The following CTBP2 variants were observed in gnomAD, a reference collection of about 807,000 sequenced individuals.
The protein encoded by CTBP2 is C-terminal binding protein 2.
Under a neutral mutation model 80.3 loss-of-function variants are expected in CTBP2, and 30 were observed. The observed-to-expected ratio is 0.37, with a 90% CI of 0.28 to 0.51. The LOEUF (loss-of-function observed/expected upper bound fraction) is 0.51. Ranked by LOEUF, CTBP2 falls within the 20% of genes least tolerant of loss-of-function variation. The pLI is 0.93. For synonymous variants in CTBP2, 594 were observed against 587.4 expected (o/e 1.01, Z -0.16); for missense variants, 1,212 against 1,375.3 (o/e 0.88, Z 1.88).
intron 1 of CTBP2, among the ~76,000 whole-genome samples, chr10:125,128,088 C>T (rs142262443): frequency 5.1e-4 from 78 of 152,282 alleles, no homozygotes; most frequent in Admixed American, 9.8e-4. Context: ...GAGGCTAGCA[C>T]ACCCAGATGC....
chr10:125,026,643 T>G lies in CTBP2; in HGVS notation c.1117A>C (p.Ser373Arg), dbSNP rs1207514685. 1 of 1,585,344 alleles carries G rather than the reference T, an allele frequency of 6.3e-7. No individual in the cohort carries two copies. ...CCATGGAGCAGTTCGCTTCGGTGGC[T>G]GAAGCTGCTGGACCGCGCCCGGGGC... Residue 373 changes from serine to arginine, a missense_variant, in exon 1 of 9, where the codon AGC becomes CGC. Ser to Arg is a moderately radical substitution (Grantham distance 110). This residue lies in a region of CTBP2 where 848 missense variants were observed against 782.3 expected (regional missense o/e 1.08). Transcript: ENST00000309035.
intron 1 of CTBP2, chr10:125,159,914 C>G (rs1041640136): frequency 1.3e-5 from 2 of 154,488 alleles, no homozygotes; most frequent in Non-Finnish European, 2.8e-5. Flanking sequence ...GACGCCGCCG[C>G]CGCCGCCGCC....
At chr10:125,082,211 C>T (rs552303556) in intron 2 of CTBP2, among the ~76,000 whole-genome samples, 19 of 152,330 alleles carry the variant, frequency 1.2e-4, no homozygotes, top group Admixed American at 7.8e-4. Context: ...AGGCCGGCTC[C>T]GGGACACACT....
intron 3 of CTBP2, chr10:125,000,462 T>G (rs969637244): frequency 2.0e-5 from 3 of 152,138 alleles, no homozygotes; most frequent in Non-Finnish European, 4.4e-5. Context: ...GTCAGTGCCA[T>G]CGTGCTTTAA....
intron 2 of CTBP2, among the ~76,000 whole-genome samples, chr10:125,093,842 G>GCT (rs1458169748): frequency 6.6e-6 from 1 of 152,174 alleles, no homozygotes; most frequent in Non-Finnish European, 1.5e-5. Flanking sequence ...GGGAGTCACT[G>GCT]CTCTGCATTG....
intron 1 of CTBP2, among the ~76,000 whole-genome samples, chr10:125,112,787 C>T (rs1852525880): frequency 1.3e-5 from 2 of 152,200 alleles, no homozygotes; most frequent in Non-Finnish European, 1.5e-5. Flanking sequence ...AAGAACTTCC[C>T]CTCTTTTAAT....
Position 125,066,731 on chromosome 10 carries a change from C to T in CTBP2, c.-101-27576G>A, listed in dbSNP as rs184611951. 1.8e-4 allele frequency among the ~76,000 whole-genome samples: 28 copies of T among 152,274 alleles called. No individual in the cohort carries two copies. The highest frequency in any genetic ancestry group is 4.8e-4 in the African/African-American group (20 of 41,538). ...GGGTACATCACCTGAGCCCTTCACACCTGGGGGTTTCTTATCCATAAATGG... is the reference window on the plus strand; with the variant it reads ...GGGTACATCACCTGAGCCCTTCACATCTGGGGGTTTCTTATCCATAAATGG... On this transcript the variant is annotated intron_variant, in intron 2 of 10. Transcript: ENST00000337195. This position sits in a 1 kb window ranked among gnomAD's most constrained non-coding sequence, Gnocchi z 4.1.
At chr10:125,073,843 A>G (rs1420910989) in intron 2 of CTBP2, among the ~76,000 whole-genome samples, 2 of 152,100 alleles carry the variant, frequency 1.3e-5, no homozygotes, top group Non-Finnish European at 2.9e-5. Flanking sequence ...TGAGAGGGAA[A>G]ACTCCTCCCA....
intron 1 of CTBP2, among the ~76,000 whole-genome samples, chr10:125,114,360 AG>A (rs1277604777): frequency 3.3e-5 from 5 of 152,072 alleles, no homozygotes; most frequent in Admixed American, 6.6e-5. Context: ...AGCTGATGAC[AG>A]GGGGGTGTGT....
intron 2 of CTBP2, among the ~76,000 whole-genome samples, chr10:125,097,785 T>G (rs1308644793): frequency 6.6e-6 from 1 of 152,088 alleles, no homozygotes; most frequent in Non-Finnish European, 1.5e-5. Context: ...TCCTACTTTT[T>G]GCCAAAGGGT....
At chr10:125,021,202 C>T (rs1036952267) in intron 1 of CTBP2, among the ~76,000 whole-genome samples, 11 of 152,196 alleles carry the variant, frequency 7.2e-5, no homozygotes, top group East Asian at 1.9e-4. Flanking sequence ...CGCCATTCCC[C>T]GCTGAGGCCA....
At chr10:125,024,077 G>A (rs1476336639) in intron 1 of CTBP2, among the ~76,000 whole-genome samples, 1 of 152,194 alleles carries the variant, frequency 6.6e-6, no homozygotes, top group African/African-American at 2.4e-5. Context: ...TTCCTGAAAT[G>A]TCAACATTAT....
chr10:125,017,672 C>T (rs1956627808), intron 1 of CTBP2, among the ~76,000 whole-genome samples: 1 of 152,204 alleles, frequency 6.6e-6, no homozygotes, highest in South Asian at 2.1e-4. Flanking sequence ...AGAATTAATT[C>T]CCTGAACTCT....
At chr10:125,009,714 G>A (rs1196061747) in intron 1 of CTBP2, among the ~76,000 whole-genome samples, 2 of 152,162 alleles carry the variant, frequency 1.3e-5, no homozygotes, top group South Asian at 4.1e-4. Flanking sequence ...CCAAGCTGGG[G>A]GCCAGATTCT....
In CTBP2 at chr10:124,994,567, T is replaced by C. The variant is rs1953198795; in HGVS notation, c.2302A>G (p.Thr768Ala). 6.2e-7 allele frequency: 1 copy of C among 1,613,872 alleles called. No individual in the cohort carries two copies. Among genetic ancestry groups the C allele is most frequent in the Admixed American group, 1.7e-5 (1 of 59,996 alleles). ...CTCTGATACAGCAAATCCTGCAGGGTGTAGACCCTCTGCACGCCCAGGGAC... is the reference window on the plus strand; with the variant it reads ...CTCTGATACAGCAAATCCTGCAGGGCGTAGACCCTCTGCACGCCCAGGGAC... The change falls in exon 5 of 9, where the codon ACC becomes GCC. Residue 768 changes from threonine (T) to alanine (A), a missense_variant. Thr to Ala is a moderately conservative substitution (Grantham distance 58). Coordinates refer to ENST00000309035, the MANE Select transcript of CTBP2 (RefSeq NM_022802.3).
At position 125,026,188 on chromosome 10, in the gene CTBP2, C is replaced by T. The variant is rs1159966019; in HGVS notation, c.1572G>A (p.Leu524=). ...TGTGGAGGCTCTGGCTGGCCGGCGGCAGGGTGGATGGCCCCAGGGGTGCAC... is the reference window on the plus strand; with the variant it reads ...TGTGGAGGCTCTGGCTGGCCGGCGGTAGGGTGGATGGCCCCAGGGGTGCAC... The change falls in exon 1 of 9, where the codon CTG becomes CTA. Residue 524 remains leucine, a synonymous_variant. Coordinates refer to ENST00000309035, the MANE Select transcript of CTBP2 (RefSeq NM_022802.3). 6.2e-7 allele frequency: 1 copy of T among 1,612,058 alleles called. No homozygotes were observed. Among genetic ancestry groups the T allele is most frequent in the Admixed American group, 1.7e-5 (1 of 59,948 alleles).
At position 125,003,506 on chromosome 10, in the gene CTBP2, AG is replaced by A. The variant is rs758414907; in HGVS notation, c.1679-15del. The A allele has an allele frequency of 1.9e-6, 3 of 1,539,460 alleles. No individual in the cohort carries two copies. The African/African-American group carries it at 4.5e-5, about 23-fold the overall frequency. ...GGGGGCGGATACCTGCCAGGAGGGAAGGGGTGAGCACAGTGGGTGGGTGGCT... is the reference window on the plus strand; with the variant it reads ...GGGGGCGGATACCTGCCAGGAGGGAAGGGTGAGCACAGTGGGTGGGTGGCT... On this transcript the variant is annotated splice_polypyrimidine_tract_variant and intron_variant, in intron 1 of 8. Transcript: ENST00000309035.
intron 1 of CTBP2, among the ~76,000 whole-genome samples, chr10:125,016,456 C>G (rs1053690209): frequency 5.9e-5 from 9 of 152,212 alleles, no homozygotes; most frequent in African/African-American, 2.2e-4. Context: ...CAAAAGGACC[C>G]TGAGTAGCCT....
At chr10:125,069,632 A>C (rs1182724438) in intron 2 of CTBP2, among the ~76,000 whole-genome samples, 1 of 152,178 alleles carries the variant, frequency 6.6e-6, no homozygotes, top group Non-Finnish European at 1.5e-5. Flanking sequence ...ACAAACAAGA[A>C]AACAAAATTA....
Sources: gnomAD v4.1 joint callset for allele counts (sites outside exome capture counted in the v4.1 genomes callset) on GRCh38, gnomAD v4.1.1 for gene constraint, gnomAD v4.1.1 regional missense constraint, Gnocchi (gnomAD v3.1) non-coding constraint, MANE v1.5 for transcripts, NCBI Gene and HGNC (gene_info 2026-07-23, HGNC 2026-07-21) for gene names.